PPFIA3: variants seen among roughly 807,000 people sequenced by gnomAD.
PPFIA3 encodes the protein liprin-alpha-3.
PPFIA3 carries 26 observed loss-of-function variants against 145.8 expected under a neutral mutation model. The observed-to-expected ratio is 0.18, with a 90% confidence interval of 0.13 to 0.25. The LOEUF (loss-of-function observed/expected upper bound fraction) is 0.25. Among genes scored for constraint, PPFIA3 ranks in the 10% least tolerant of loss-of-function variants. PPFIA3 has a pLI of 1.00. For missense variants in PPFIA3, 1,008 were observed against 1,587.8 expected, an observed-to-expected ratio of 0.63 and a Z score of 6.21; for synonymous variants, 645 against 661.4, an observed-to-expected ratio of 0.98 and a Z score of 0.38.
intron 5 of PPFIA3, 47 bp downstream of exon 5, chr19:49,129,501 T>C (rs373934827): frequency 1.3e-6 from 2 of 1,544,640 alleles, no homozygotes; most frequent in Non-Finnish European, 1.8e-6. Context: ...GGGGAGGGGC[T>C]AAGGGGCTGC....
chr19:49,143,277 T>G (rs2041245577), intron 21 of PPFIA3, among the ~76,000 whole-genome samples: 1 of 152,268 alleles, frequency 6.6e-6, no homozygotes, highest in Admixed American at 6.5e-5. Context: ...TAAGAAGCTT[T>G]CTTTGTCAGC....
In PPFIA3 at chr19:49,133,912, G is replaced by T; in HGVS notation, c.1245+33G>T. The T allele has an allele frequency of 6.2e-7, 1 of 1,611,904 alleles. No homozygotes were observed. Among genetic ancestry groups the T allele is most frequent in the Admixed American group, 1.7e-5 (1 of 59,980 alleles). On this transcript the variant is annotated intron_variant, in intron 10 of 29. Coordinates refer to ENST00000334186, the MANE Select transcript of PPFIA3 (RefSeq NM_003660.4). The surrounding 1 kb of genome is among the most constrained non-coding windows in gnomAD (Gnocchi z 7.2). Reference sequence around the variant, plus strand: ...GGCGGAAGACTGCACAGAGGGTGGGGCTTCGAGGCTGGGGCGGAGCTTAAT... The same window carrying T: ...GGCGGAAGACTGCACAGAGGGTGGGTCTTCGAGGCTGGGGCGGAGCTTAAT...
intron 20 of PPFIA3, among the ~76,000 whole-genome samples, chr19:49,142,499 T>C (rs567443944): frequency 6.6e-6 from 1 of 151,870 alleles, no homozygotes; most frequent in African/African-American, 2.4e-5. Flanking sequence ...CGGCTTCCTG[T>C]CTCTCCCCAC....
intron 21 of PPFIA3, 184 bp from the exon 22 acceptor site, chr19:49,145,759 G>T: frequency 1.6e-6 from 1 of 619,768 alleles, no homozygotes. Context: ...CAACTCCAAA[G>T]TCACATTGCC....
Position 49,141,579 on chromosome 19 carries a change from T to TGA in PPFIA3, c.2462+67_2462+68insAG, listed in dbSNP as rs1360585769. Reference sequence around the variant, plus strand: ...ATGTGAGAGTGTGTGAGGGTGTGTGTGTGCGTGTATGTGTGTGTATGAGTG... The same window carrying TGA: ...ATGTGAGAGTGTGTGAGGGTGTGTGTGAGTGCGTGTATGTGTGTGTATGAGTG... On this transcript the variant is annotated intron_variant, in intron 19 of 29. Transcript: ENST00000334186. 1,532 of 1,081,450 alleles carry TGA rather than the reference T, an allele frequency of 1.4e-3. 20 individuals are homozygous for TGA. The African/African-American group carries it at 0.031, about 22-fold the overall frequency. 67.0% of individuals were successfully genotyped at this position (1,081,450 alleles called of 1,614,324 possible).
At chr19:49,136,104 G>A (rs2041134165) in intron 14 of PPFIA3, among the ~76,000 whole-genome samples, 181 bp downstream of exon 14, 1 of 152,192 alleles carries the variant, frequency 6.6e-6, no homozygotes, top group African/African-American at 2.4e-5. Context: ...GTCTCCTCCT[G>A]TGGATGTCCT....
chr19:49,121,691 G>A (rs891917513), intron 1 of PPFIA3, among the ~76,000 whole-genome samples: 4 of 151,974 alleles, frequency 2.6e-5, no homozygotes, highest in Non-Finnish European at 5.9e-5. Context: ...CAGGAGAGTC[G>A]TTTGAACCCC....
chr19:49,132,685 G>C (rs1176590643), intron 7 of PPFIA3, among the ~76,000 whole-genome samples: 1 of 152,174 alleles, frequency 6.6e-6, no homozygotes, highest in Non-Finnish European at 1.5e-5. Context: ...CCAGAAATTA[G>C]TGAGAAATCC....
rs774330872 is a variant in PPFIA3 at position 49,142,795 on chromosome 19, C to A, written c.2545-9C>A. On this transcript the variant is annotated splice_polypyrimidine_tract_variant and intron_variant, in intron 20 of 29. Coordinates refer to ENST00000334186, the MANE Select transcript of PPFIA3 (RefSeq NM_003660.4). ...CTGTCCCCTCTGTCCCTCTGTCCCT[C>A]CGCTGCAGCTGTGGGTGGGCATGCC... 1.2e-6 allele frequency: 2 copies of A among 1,612,584 alleles called. No individual in the cohort carries two copies. The highest frequency in any genetic ancestry group is 1.7e-6 in the Non-Finnish European group (2 of 1,179,410).
At position 49,132,937 on chromosome 19, in the gene PPFIA3, A is replaced by AG. The variant is rs987261279; in HGVS notation, c.880-59dup. 25 of 1,561,070 alleles carry AG rather than the reference A, an allele frequency of 1.6e-5. No individual in the cohort carries two copies. The African/African-American group carries it at 3.0e-4, about 19-fold the overall frequency. On this transcript the variant is annotated intron_variant, in intron 7 of 29. Coordinates refer to ENST00000334186, the MANE Select transcript of PPFIA3 (RefSeq NM_003660.4). ...AGGGCACTTTGTTTCCCAGGGAACA[A>AG]GGGGGTTCCCCGTCCTCTCCCCCAG...
Position 49,130,577 on chromosome 19 carries a change from A to G in PPFIA3, c.857A>G (p.Lys286Arg). ...GGCAAGGCAGAGGAAGCCAACTCCA[A>G]GCTGCAGCGCGACCTCAAGGAGGTG... ...ELGKAEEANS[K>R]LQRDLKEALA... Residue 286 changes from lysine to arginine, a missense_variant, in exon 7 of 30, where the codon AAG (lysine) becomes AGG (arginine). By Grantham distance (26) the Lys-to-Arg change is conservative (BLOSUM62 2). Around this residue, in one of 11 missense-constraint regions of PPFIA3, gnomAD observed 136 missense variants for 160.7 expected, o/e 0.85. Transcript: ENST00000334186. The surrounding 1 kb of genome is among the most constrained non-coding windows in gnomAD (Gnocchi z 4.5). 1.3e-6 allele frequency: 2 copies of G among 1,559,168 alleles called. No homozygotes were observed. Among genetic ancestry groups the G allele is most frequent in the Non-Finnish European group, 1.7e-6 (2 of 1,152,364 alleles).
chr19:49,133,222 C>T lies in PPFIA3; in HGVS notation c.1027-15C>T, dbSNP rs200420754. ...GACCCAGCCCGTCCCCTCCCCCTGC[C>T]TCTCCCTCCCCCAGAGTGAAGAGAA... On this transcript the variant is annotated splice_polypyrimidine_tract_variant and intron_variant, in intron 8 of 29. Coordinates refer to ENST00000334186, the MANE Select transcript of PPFIA3 (RefSeq NM_003660.4). This position sits in a 1 kb window ranked among gnomAD's most constrained non-coding sequence, Gnocchi z 7.2. 1.3e-4 allele frequency: 210 copies of T among 1,594,898 alleles called. 2 individuals are homozygous for T. The East Asian group carries it at 4.3e-3, about 32-fold the overall frequency.
intron 16 of PPFIA3, 46 bp downstream of exon 16, chr19:49,138,473 G>A: frequency 1.4e-6 from 2 of 1,429,360 alleles, no homozygotes; most frequent in South Asian, 1.5e-5. Context: ...GATGGGGAGA[G>A]GTCAGAGGCA....
intron 11 of PPFIA3, among the ~76,000 whole-genome samples, 168 bp from the exon 12 acceptor site, chr19:49,134,471 C>A (rs543340242): frequency 6.6e-6 from 1 of 152,282 alleles, no homozygotes; most frequent in African/African-American, 2.4e-5. Flanking sequence ...CCCGGGGCTT[C>A]TCTCCCCAGA....
rs766731696 is a variant in PPFIA3 at position 49,138,287 on chromosome 19, T to C, written c.1936T>C (p.Leu646=). ...SRVSSSGLDS[L]GRYRSSCSLP... is the part of the protein sequence containing the mutation. ...GGTGTCCAGCTCTGGCTTGGACTCG[T>C]TGGGCCGCTACCGCAGCAGCTGCTC... Residue 646 remains leucine (L), a synonymous_variant, in exon 16 of 30, where the codon TTG becomes CTG. Coordinates refer to ENST00000334186, the MANE Select transcript of PPFIA3 (RefSeq NM_003660.4). 16 of 1,613,548 alleles carry C rather than the reference T, an allele frequency of 9.9e-6. No homozygotes were observed. The highest frequency in any genetic ancestry group is 2.2e-5 in the South Asian group (2 of 91,036).
Position 49,149,889 on chromosome 19 carries a change from T to C in PPFIA3, c.3526+171T>C. 1.8e-6 allele frequency: 2 copies of C among 1,113,228 alleles called. No individual in the cohort carries two copies. The highest frequency in any genetic ancestry group is 2.5e-6 in the Non-Finnish European group (2 of 793,690). The allele number at this position is 1,113,228 out of a possible 1,614,324, so 69.0% of individuals were successfully genotyped here. A position where few individuals can be genotyped will look rare whatever the true frequency, so the allele number is the denominator to read the frequency against. ...TCAGGATGAAATGGATAAATCCCACTCCCCCTTCCCAGGGCGGGAGTGAAC... is the reference window on the plus strand; with the variant it reads ...TCAGGATGAAATGGATAAATCCCACCCCCCCTTCCCAGGGCGGGAGTGAAC... On this transcript the variant is annotated intron_variant, in intron 28 of 29. Transcript: ENST00000334186. This position sits in a 1 kb window ranked among gnomAD's most constrained non-coding sequence, Gnocchi z 5.7.
rs1265528053 is a variant in PPFIA3, at chr19:49,146,242, G to C, written c.2835+50G>C. 3.1e-6 allele frequency: 5 copies of C among 1,596,534 alleles called. No homozygotes were observed. The South Asian group carries it at 4.5e-5, about 14-fold the overall frequency. On this transcript the variant is annotated intron_variant, in intron 23 of 29. Transcript: ENST00000334186. Reference sequence around the variant, plus strand: ...AGCGCATGAACAGGCTGTGCACGACGCATGGATGCCCCTCCTCCGAGCCCT... The same window carrying C: ...AGCGCATGAACAGGCTGTGCACGACCCATGGATGCCCCTCCTCCGAGCCCT...
rs1470737488 is a variant in PPFIA3 at position 49,149,610 on chromosome 19, C to A, written c.3418C>A (p.Arg1140=). 1 of 1,614,176 alleles carries A rather than the reference C, an allele frequency of 6.2e-7. No homozygotes were observed. Among genetic ancestry groups the A allele is most frequent in the African/African-American group, 1.3e-5 (1 of 75,048 alleles). Residue 1140 remains arginine, a synonymous_variant, in exon 28 of 30, where the codon CGA becomes AGA. Coordinates refer to ENST00000334186, the MANE Select transcript of PPFIA3 (RefSeq NM_003660.4). This position sits in a 1 kb window ranked among gnomAD's most constrained non-coding sequence, Gnocchi z 5.7. The part of the protein sequence containing the change: ...WRKMFREKDL[R]GVTPDSAEML... ...GAAGATGTTCCGGGAGAAGGACCTC[C>A]GAGGCGTAACTCCCGACTCAGCTGA...
At chr19:49,127,831 T>C in intron 1 of PPFIA3, 28 bp from the exon 2 acceptor site, 2 of 1,585,196 alleles carry the variant, frequency 1.3e-6, no homozygotes, top group South Asian at 2.2e-5. Context: ...ACAAGGCCGG[T>C]CTGTTCCTTG....
Sources: allele counts gnomAD v4.1 joint callset (sites outside exome capture counted in the v4.1 genomes callset), GRCh38; gene constraint gnomAD v4.1.1; regional missense constraint gnomAD v4.1.1; non-coding constraint Gnocchi (gnomAD v3.1); transcripts MANE v1.5; gene names NCBI Gene and HGNC (gene_info 2026-07-23, HGNC 2026-07-21).